Variants in UBXN11 observed in about 807,000 individuals in gnomAD.
The protein encoded by UBXN11 is UBX domain protein 11, also known as UBX domain-containing protein 11.
A neutral mutation model predicts 62.8 loss-of-function variants in UBXN11; 47 were observed. The observed-to-expected ratio is 0.75, with a 90% confidence interval of 0.59 to 0.95. The LOEUF (loss-of-function observed/expected upper bound fraction) is 0.95. Ranked by LOEUF, UBXN11 falls within the 40% of genes least tolerant of loss-of-function variation. UBXN11 has a pLI of 0.00. For missense variants in UBXN11, 638 were observed against 661.7 expected, an observed-to-expected ratio of 0.96 and a Z score of 0.39; for synonymous variants, 294 against 267.0, an observed-to-expected ratio of 1.10 and a Z score of -0.99.
upstream of UBXN11, among the ~76,000 whole-genome samples, chr1:26,310,716 A>G (rs536109470): frequency 3.5e-4 from 45 of 129,340 alleles, no homozygotes; most frequent in African/African-American, 1.3e-3. Flanking sequence ...CGACAGTGCC[A>G]GACTCTGTCT....
At chr1:26,290,986 T>G (rs2073249471) in intron 8 of UBXN11, among the ~76,000 whole-genome samples, 1 of 152,150 alleles carries the variant, frequency 6.6e-6, no homozygotes, top group Admixed American at 6.5e-5. Flanking sequence ...CAGCATGCTC[T>G]GTGACGCTGG....
Position 26,285,543 on chromosome 1 carries a change from T to C in UBXN11, c.775-2A>G, listed in dbSNP as rs1395397854. The C allele has an allele frequency of 1.9e-6, 3 of 1,575,002 alleles. No homozygotes were observed. Among genetic ancestry groups the C allele is most frequent in the Non-Finnish European group, 1.7e-6 (2 of 1,155,480 alleles). On this transcript the variant is annotated splice_acceptor_variant, in intron 9 of 14. Coordinates refer to ENST00000374222, the MANE Select transcript of UBXN11 (RefSeq NM_001389556.1). LOFTEE classifies it high-confidence loss of function. Reference sequence around the variant, plus strand: ...ATCCAATATGTCTCGGAGGCAGCGCTGCAAGGGAAGAGGAAAAGTGAGGGG... The same window carrying C: ...ATCCAATATGTCTCGGAGGCAGCGCCGCAAGGGAAGAGGAAAAGTGAGGGG...
At chr1:26,298,149 A>G (rs531404766) in intron 4 of UBXN11, 87 bp from the exon 5 acceptor site, 5 of 1,395,988 alleles carry the variant, frequency 3.6e-6, no homozygotes, top group Non-Finnish European at 4.9e-6. Context: ...GGTCCCAGGA[A>G]TGGAAATGAA....
rs571526240 is a variant in UBXN11, at chr1:26,282,863, CCT to C, written c.1150_1151del (p.Arg384GlufsTer20). On this transcript the variant is annotated frameshift_variant and splice_region_variant, in exon 13 of 15. Coordinates refer to ENST00000374222, the MANE Select transcript of UBXN11 (RefSeq NM_001389556.1). LOFTEE classifies it high-confidence loss of function. ...CCCTCACCTCCTCATCCCGCCCTCA[CCT>C]CTCTCGCTCAGCGGCCAAGGTGGGC... is the stretch of plus-strand genomic sequence containing the variant. ...ETPTLAAERE[R>X]SQESPNTPAP... is the part of the protein sequence containing the mutation. The C allele has an allele frequency of 6.0e-4, 963 of 1,614,184 alleles. 5 individuals carry two copies. The African/African-American group carries it at 0.011, about 18-fold the overall frequency.
Position 26,297,453 on chromosome 1 carries a change from A to C in UBXN11, c.329T>G (p.Leu110Arg). The change falls in exon 6 of 15, where the codon CTG becomes CGG. Residue 110 changes from leucine to arginine, a missense_variant. Coordinates refer to ENST00000374222, the MANE Select transcript of UBXN11 (RefSeq NM_001389556.1). Reference sequence around the variant, plus strand: ...TGGGTGTGGCCGGAGGGTCTGCACCAGGTCCTCTAGGGCCGCTATCTTCTG... The same window carrying C: ...TGGGTGTGGCCGGAGGGTCTGCACCCGGTCCTCTAGGGCCGCTATCTTCTG... ...KDQKIAALED[L>R]VQTLRPHPAE... The C allele has an allele frequency of 6.4e-7, 1 of 1,555,920 alleles. No homozygotes were observed. The highest frequency in any genetic ancestry group is 8.7e-7 in the Non-Finnish European group (1 of 1,149,446).
intron 4 of UBXN11, among the ~76,000 whole-genome samples, chr1:26,299,134 G>A (rs1476027089): frequency 1.3e-5 from 2 of 152,158 alleles, no homozygotes; most frequent in Non-Finnish European, 2.9e-5. Flanking sequence ...AAACATTTGG[G>A]AACTGTCTAC....
intron 8 of UBXN11, among the ~76,000 whole-genome samples, chr1:26,293,891 A>C (rs910602591): frequency 6.6e-6 from 1 of 152,200 alleles, no homozygotes; most frequent in East Asian, 1.9e-4. Context: ...CATCTTCCAG[A>C]TTGGTGGCGT....
At chr1:26,299,020 C>T (rs1161938169) in intron 4 of UBXN11, among the ~76,000 whole-genome samples, 1 of 152,120 alleles carries the variant, frequency 6.6e-6, no homozygotes, top group African/African-American at 2.4e-5. Context: ...CTGGAGCTGC[C>T]TCTTTAGGAT....
intron 8 of UBXN11, among the ~76,000 whole-genome samples, chr1:26,288,394 C>T (rs1266488025): frequency 6.6e-6 from 1 of 152,118 alleles, no homozygotes; most frequent in Non-Finnish European, 1.5e-5. Flanking sequence ...GCAGGTGGCC[C>T]AGGCAGATGC....
upstream of UBXN11, among the ~76,000 whole-genome samples, chr1:26,307,185 G>A (rs1165796485): frequency 6.6e-5 from 10 of 152,292 alleles, no homozygotes; most frequent in East Asian, 1.9e-3. Context: ...TAAGAGTTGG[G>A]TAAGACAATT....
upstream of UBXN11, among the ~76,000 whole-genome samples, chr1:26,307,935 C>G (rs916823104): frequency 6.6e-6 from 1 of 152,094 alleles, no homozygotes; most frequent in African/African-American, 2.4e-5. Flanking sequence ...AAGAGAGCTA[C>G]TACTACTGAG....
intron 9 of UBXN11, 46 bp from the exon 10 acceptor site, chr1:26,285,587 C>A: frequency 2.0e-6 from 3 of 1,496,730 alleles, no homozygotes; most frequent in Middle Eastern, 2.2e-4. Context: ...GGCCTTGGGC[C>A]CACCCTGCCC....
At chr1:26,283,703 G>A (rs1373881021) in intron 12 of UBXN11, among the ~76,000 whole-genome samples, 3 of 152,170 alleles carry the variant, frequency 2.0e-5, no homozygotes, top group African/African-American at 7.2e-5. Flanking sequence ...GCAATGTGTG[G>A]GTGAGGGAGG....
intron 1 of UBXN11, among the ~76,000 whole-genome samples, chr1:26,313,597 C>G (rs1350008624): frequency 1.3e-5 from 2 of 152,138 alleles, no homozygotes; most frequent in Non-Finnish European, 2.9e-5. Context: ...ACCTGGTACA[C>G]AGCAGGCACC....
intron 1 of UBXN11, among the ~76,000 whole-genome samples, chr1:26,305,273 A>C (rs748562439): frequency 2.6e-5 from 4 of 152,082 alleles, no homozygotes; most frequent in Non-Finnish European, 4.4e-5. Context: ...GCCCATCTCT[A>C]TAATTTTCTT....
intron 1 of UBXN11, among the ~76,000 whole-genome samples, chr1:26,304,009 G>A (rs994021135): frequency 4.6e-5 from 7 of 152,020 alleles, no homozygotes; most frequent in Admixed American, 1.3e-4. Context: ...CGCCCCCCTC[G>A]ACCTCCCAAA....
intron 1 of UBXN11, among the ~76,000 whole-genome samples, chr1:26,316,132 T>C (rs2073792383): frequency 7.0e-6 from 1 of 143,176 alleles, no homozygotes; most frequent in African/African-American, 2.6e-5. Flanking sequence ...CTAATTTTTT[T>C]TTTTTTTTTT....
At chr1:26,298,124 A>C in intron 4 of UBXN11, 62 bp from the exon 5 acceptor site, 1 of 1,525,318 alleles carries the variant, frequency 6.6e-7, no homozygotes, top group Non-Finnish European at 8.9e-7. Context: ...TGTGGGGGGG[A>C]GGGAGGAGGA....
intron 3 of UBXN11, 153 bp from the exon 4 acceptor site, chr1:26,301,177 C>A (rs1454285621): frequency 2.1e-6 from 3 of 1,421,918 alleles, no homozygotes; most frequent in Non-Finnish European, 2.8e-6. Context: ...AGGATCCAAC[C>A]AGAATGGGGC....
Sources: gnomAD v4.1 joint callset for allele counts (sites outside exome capture counted in the v4.1 genomes callset) on GRCh38, gnomAD v4.1.1 for gene constraint, MANE v1.5 for transcripts, NCBI Gene and HGNC (gene_info 2026-07-23, HGNC 2026-07-21) for gene names.